The following ADAR variants were observed in gnomAD, a reference collection of about 807,000 sequenced individuals.
ADAR encodes the protein double-stranded RNA-specific adenosine deaminase.
Under a neutral mutation model 113.2 loss-of-function variants are expected in ADAR, and 41 were observed. That is an observed-to-expected ratio of 0.36 (90% CI 0.28 to 0.47). ADAR has a LOEUF of 0.47. ADAR is among the 20% of genes least tolerant of loss of function. The probability of loss-of-function intolerance (pLI) is 1.00; values close to 1 mark genes in which losing one functional copy is unlikely to be tolerated. For missense variants in ADAR, 1,242 were observed against 1,540.9 expected (o/e 0.81, Z 3.25); for synonymous variants, 605 against 572.6 (o/e 1.06, Z -0.81).
intron 8 of ADAR, 33 bp from the exon 9 acceptor site, chr1:154,589,495 T>C (rs756670072): frequency 6.4e-7 from 1 of 1,568,656 alleles, no homozygotes; most frequent in Non-Finnish European, 8.8e-7. Flanking sequence ...AATAGAATAA[T>C]GGAAGGAAAC....
intron 6 of ADAR, among the ~76,000 whole-genome samples, chr1:154,591,567 A>G (rs941971102): frequency 6.6e-6 from 1 of 152,232 alleles, no homozygotes; most frequent in Non-Finnish European, 1.5e-5. Context: ...CCGGCTGGTA[A>G]TTTCCAAACA....
Position 154,585,837 on chromosome 1 carries a change from G to A in ADAR, c.3231C>T (p.Thr1077=). ...LGYLFSQGHL[T]RAICCRVTRD... ...TTGTCACACGACAGCAAATAGCACG[G>A]GTCAGATGCCCTTGGCTGAAAAGGT... Residue 1077 remains threonine, a synonymous_variant, in exon 13 of 15, where the codon ACC becomes ACT. Transcript: ENST00000368474. 1 of 1,614,072 alleles carries A rather than the reference G, an allele frequency of 6.2e-7. No individual in the cohort carries two copies. Among genetic ancestry groups the A allele is most frequent in the Non-Finnish European group, 8.5e-7 (1 of 1,179,962 alleles).
chr1:154,582,260 C>T lies in ADAR; in HGVS notation c.*2546G>A, dbSNP rs908869837. 3 of 152,384 alleles carry T rather than the reference C, an allele frequency of 2.0e-5. No individual in the cohort carries two copies. Among genetic ancestry groups the T allele is most frequent in the African/African-American group, 7.3e-5 (3 of 41,368 alleles). The allele number at this position is 152,384 out of a possible 1,614,324, so 9.4% of individuals were successfully genotyped here. ...CTCCAAAAAACCAACGAAGTCCCTT[C>T]AATGTGAGTAAAGGAAACAGCTTCA... On this transcript the variant is annotated 3_prime_UTR_variant, in exon 15 of 15. Coordinates refer to ENST00000368474, the MANE Select transcript of ADAR (RefSeq NM_001111.5).
chr1:154,584,986 C>G lies in ADAR; in HGVS notation c.3501G>C (p.Lys1167Asn). 1 of 1,614,158 alleles carries G rather than the reference C, an allele frequency of 6.2e-7. No homozygotes were observed. The change falls in exon 15 of 15, where the codon AAG becomes AAC. Residue 1167 changes from lysine (K) to asparagine (N), a missense_variant. By Grantham distance (94) the Lys-to-Asn change is moderately conservative. Around this residue, in one of 2 missense-constraint regions of ADAR, gnomAD observed 780 missense variants for 1,057.9 expected, o/e 0.74. Coordinates refer to ENST00000368474, the MANE Select transcript of ADAR (RefSeq NM_001111.5). ...CCCTGCGGTAACGGAAGGAGCAGAG[C>G]TTCTTAAATAGAAGAAAAATGTTCT... ...SKKNIFLLFK[K>N]LCSFRYRRDL...
intron 2 of ADAR, among the ~76,000 whole-genome samples, chr1:154,599,672 GGCTGCA>G (rs1288802053): frequency 6.6e-6 from 1 of 152,196 alleles, no homozygotes; most frequent in African/African-American, 2.4e-5. Context: ...CTCTTTCCCT[GGCTGCA>G]GCTGCAGCCA....
intron 1 of ADAR, among the ~76,000 whole-genome samples, chr1:154,627,600 CCACACTCGCG>C (rs1204386223): frequency 2.6e-5 from 4 of 152,240 alleles, no homozygotes; most frequent in Non-Finnish European, 5.9e-5. Flanking sequence ...CCTCTGCCGC[CCACACTCGCG>C]CACACACGGG....
At chr1:154,594,743 T>C (rs1697385776) in intron 6 of ADAR, among the ~76,000 whole-genome samples, 1 of 152,234 alleles carries the variant, frequency 6.6e-6, no homozygotes, top group South Asian at 2.1e-4. Flanking sequence ...CAAGACATCA[T>C]TTCTGTTCCT....
upstream of ADAR, among the ~76,000 whole-genome samples, chr1:154,612,450 C>A (rs1397709015): frequency 6.6e-6 from 1 of 150,580 alleles, no homozygotes; most frequent in Non-Finnish European, 1.5e-5. Flanking sequence ...GCCTCAGCCT[C>A]CCGAGTGGCT....
chr1:154,592,064 T>C (rs1372125234), intron 6 of ADAR, among the ~76,000 whole-genome samples: 2 of 152,240 alleles, frequency 1.3e-5, no homozygotes, highest in Non-Finnish European at 2.9e-5. Context: ...AGTTTGTTAA[T>C]TATGCAACTA....
intron 1 of ADAR, among the ~76,000 whole-genome samples, chr1:154,621,265 A>C (rs2101699107): frequency 6.6e-6 from 1 of 152,254 alleles, no homozygotes; most frequent in South Asian, 2.1e-4. Flanking sequence ...AGCTTTTTAA[A>C]AGTCATATGT....
chr1:154,594,518 T>C (rs535027092), intron 6 of ADAR, among the ~76,000 whole-genome samples: 1 of 152,326 alleles, frequency 6.6e-6, no homozygotes, highest in South Asian at 2.1e-4. Context: ...GCAAAACCAC[T>C]ATGACCACCA....
At position 154,601,072 on chromosome 1, in the gene ADAR, T is replaced by C. The variant is rs1436969106; in HGVS notation, c.1570A>G (p.Ile524Val). ...FASQTCEFNMIEQSGPPHEPR... is the reference protein window; with the variant it reads ...FASQTCEFNMVEQSGPPHEPR... Reference sequence around the variant, plus strand: ...TCATGGGGTGGTCCACTCTGCTCTATCATGTTGAACTCACAGGTTTGACTA... The same window carrying C: ...TCATGGGGTGGTCCACTCTGCTCTACCATGTTGAACTCACAGGTTTGACTA... Residue 524 changes from isoleucine to valine, a missense_variant, in exon 2 of 15, where the codon ATA becomes GTA. By Grantham distance (29) the Ile-to-Val change is conservative. This residue lies in a region of ADAR where 780 missense variants were observed against 1,057.9 expected (regional missense o/e 0.74). Transcript: ENST00000368474. The surrounding 1 kb of genome is among the most constrained non-coding windows in gnomAD (Gnocchi z 4.7). 1.2e-6 allele frequency: 2 copies of C among 1,614,184 alleles called. No homozygotes were observed. The highest frequency in any genetic ancestry group is 1.3e-5 in the African/African-American group (1 of 75,050).
intron 6 of ADAR, among the ~76,000 whole-genome samples, chr1:154,594,965 A>G (rs552838671): frequency 3.9e-5 from 6 of 152,378 alleles, no homozygotes; most frequent in South Asian, 4.1e-4. Context: ...CATGTACTGC[A>G]TAACAGTGTT....
Position 154,584,742 on chromosome 1 carries a change from G to GC in ADAR, c.*63dup, listed in dbSNP as rs1696631480. The GC allele has an allele frequency of 7.3e-7, 1 of 1,368,396 alleles. No homozygotes were observed. Among genetic ancestry groups the GC allele is most frequent in the Admixed American group, 1.7e-5 (1 of 59,158 alleles). 84.8% of individuals were successfully genotyped at this position (1,368,396 alleles called of 1,614,324 possible). A position where few individuals can be genotyped will look rare whatever the true frequency, so the allele number is the denominator to read the frequency against. On this transcript the variant is annotated 3_prime_UTR_variant, in exon 15 of 15. Transcript: ENST00000368474. The stretch of plus-strand genomic sequence containing the variant: ...ATCCCCTGACCATGTGATGAGGAAT[G>GC]CTACGACCTACCTCTCTCACACCCT...
chr1:154,602,654 A>G, intron 1 of ADAR, 28 bp from the exon 2 acceptor site: 1 of 1,611,516 alleles, frequency 6.2e-7, no homozygotes, highest in Non-Finnish European at 8.5e-7. Context: ...GGAAAAAGAA[A>G]ATGAATTAGG....
chr1:154,589,546 C>T, intron 8 of ADAR, 84 bp from the exon 9 acceptor site: 1 of 1,364,736 alleles, frequency 7.3e-7, no homozygotes, highest in East Asian at 2.3e-5. Flanking sequence ...CTGAAAGCTT[C>T]AAGGCAGAAA....
chr1:154,597,022 A>G (rs1384600557), intron 5 of ADAR, 27 bp from the exon 6 acceptor site: 4 of 1,614,016 alleles, frequency 2.5e-6, no homozygotes, highest in Admixed American at 1.7e-5. Context: ...CAAACAGAGG[A>G]GCCATAAACA....
In ADAR at chr1:154,589,912, C is replaced by G. The variant is rs2101585930; in HGVS notation, c.2513G>C (p.Ser838Thr). The part of the protein sequence containing the change: ...AQPKTLPLTG[S>T]TFHDQIAMLS... ...CATGGCTATCTGGTCATGGAAGGTGCTGCCAGTGAGAGGGAGCTGTGGGGA... is the reference window on the plus strand; with the variant it reads ...CATGGCTATCTGGTCATGGAAGGTGGTGCCAGTGAGAGGGAGCTGTGGGGA... Residue 838 changes from serine (S) to threonine (T), a missense_variant, in exon 8 of 15, where the codon AGC becomes ACC. Coordinates refer to ENST00000368474, the MANE Select transcript of ADAR (RefSeq NM_001111.5). 1.9e-6 allele frequency: 3 copies of G among 1,614,078 alleles called. No homozygotes were observed. Among genetic ancestry groups the G allele is most frequent in the Admixed American group, 3.3e-5 (2 of 60,022 alleles).
intron 1 of ADAR, among the ~76,000 whole-genome samples, chr1:154,607,109 T>C (rs12059682): frequency 0.28 from 42,767 of 151,916 alleles, 6,770 homozygotes; most frequent in African/African-American, 0.42. Flanking sequence ...CAACAATCAA[T>C]TTCTTCCACG....
Sources: allele counts gnomAD v4.1 joint callset (sites outside exome capture counted in the v4.1 genomes callset), GRCh38; gene constraint gnomAD v4.1.1; regional missense constraint gnomAD v4.1.1; non-coding constraint Gnocchi (gnomAD v3.1); transcripts MANE v1.5; gene names NCBI Gene and HGNC (gene_info 2026-07-23, HGNC 2026-07-21).